CDC40: variants seen among roughly 807,000 people sequenced by gnomAD.
The protein encoded by CDC40 is pre-mRNA-processing factor 17.
A neutral mutation model predicts 80.6 loss-of-function variants in CDC40; 27 were observed. The observed-to-expected ratio is 0.33, with a 90% confidence interval of 0.25 to 0.46. The LOEUF is 0.46. Ranked by LOEUF, CDC40 falls within the 20% of genes least tolerant of loss-of-function variation. The pLI, the probability that CDC40 is intolerant of heterozygous loss-of-function variation, is 1.00. For synonymous variants in CDC40, 221 were observed against 232.6 expected (o/e 0.95, Z 0.45); for missense variants, 486 against 694.1 (o/e 0.70, Z 3.37).
intron 6 of CDC40, 169 bp downstream of exon 6, chr6:110,210,972 T>C: frequency 3.3e-6 from 1 of 301,082 alleles, no homozygotes; most frequent in Non-Finnish European, 6.4e-6. Context: ...CAGACTTCTG[T>C]ATACTGATAA....
intron 13 of CDC40, among the ~76,000 whole-genome samples, chr6:110,226,550 C>G (rs1164669028): frequency 6.6e-6 from 1 of 151,088 alleles, no homozygotes; most frequent in African/African-American, 2.4e-5. Flanking sequence ...CCTCCTCTCC[C>G]CTCCTCTCCT....
chr6:110,209,043 ATC>A (rs764259696), intron 4 of CDC40, 39 bp from the exon 5 acceptor site: 3 of 1,184,186 alleles, frequency 2.5e-6, no homozygotes, highest in Non-Finnish European at 1.2e-6. Flanking sequence ...CATCTTTGTA[ATC>A]TCTCAGTTTT....
intron 12 of CDC40, among the ~76,000 whole-genome samples, chr6:110,220,754 C>T (rs1023481077): frequency 6.6e-6 from 1 of 152,126 alleles, no homozygotes; most frequent in Non-Finnish European, 1.5e-5. Context: ...CAGAAAGGCA[C>T]TTCTTACATG....
rs1359997313 is a variant in CDC40 at position 110,185,318 on chromosome 6, C to T, written c.189+4685C>T. ...AGTGCAGTGGCGGGATCTCGGCTCA[C>T]TGCAAGCTCCGCCTCCCGGGTTCAC... On this transcript the variant is annotated intron_variant, in intron 1 of 14. Coordinates refer to ENST00000307731, the MANE Select transcript of CDC40 (RefSeq NM_015891.3). Among the ~76,000 whole-genome samples, 8 of 146,668 alleles carry T rather than the reference C, an allele frequency of 5.5e-5. No individual in the cohort carries two copies. In the East Asian group the frequency reaches 1.6e-3, roughly 29 times the overall value.
rs1777940811 is a variant in CDC40 at position 110,231,719 on chromosome 6, T to C, written c.*1588T>C. The C allele has an allele frequency of 6.6e-6, 1 of 151,616 alleles. No individual in the cohort carries two copies. Among genetic ancestry groups the C allele is most frequent in the Non-Finnish European group, 1.5e-5 (1 of 67,882 alleles). 9.4% of individuals were successfully genotyped at this position (151,616 alleles called of 1,614,324 possible). ...CTGATAACCTAAGAGCATTAAGCTC[T>C]GAGTCCAGTGAGGTCATAGCAGTGT... is the stretch of plus-strand genomic sequence containing the variant. On this transcript the variant is annotated 3_prime_UTR_variant, in exon 15 of 15. Coordinates refer to ENST00000307731, the MANE Select transcript of CDC40 (RefSeq NM_015891.3).
chr6:110,220,360 G>A (rs1048186085), intron 12 of CDC40, among the ~76,000 whole-genome samples: 4 of 151,930 alleles, frequency 2.6e-5, no homozygotes, highest in African/African-American at 9.7e-5. Context: ...CCAAGACTGG[G>A]CAATTTACAA....
At chr6:110,229,930 A>C (rs1453885476) in intron 14 of CDC40, 24 bp from the exon 15 acceptor site, 3 of 1,511,204 alleles carry the variant, frequency 2.0e-6, no homozygotes, top group Non-Finnish European at 1.8e-6. Flanking sequence ...TAATAATTTG[A>C]ATTTATCTTT....
intron 12 of CDC40, among the ~76,000 whole-genome samples, chr6:110,223,734 C>A (rs1777809740): frequency 1.3e-5 from 2 of 152,170 alleles, no homozygotes; most frequent in South Asian, 2.1e-4. Flanking sequence ...TTAAATAATA[C>A]TACACAAACT....
chr6:110,232,064 A>G lies in CDC40; in HGVS notation c.*1933A>G, dbSNP rs1037050185. 1.3e-5 allele frequency: 2 copies of G among 150,758 alleles called. No homozygotes were observed. The highest frequency in any genetic ancestry group is 4.9e-5 in the African/African-American group (2 of 40,682). The allele number at this position is 150,758 out of a possible 1,614,324, so 9.3% of individuals were successfully genotyped here. A position where few individuals can be genotyped will look rare whatever the true frequency, so the allele number is the denominator to read the frequency against. On this transcript the variant is annotated 3_prime_UTR_variant, in exon 15 of 15. Transcript: ENST00000307731. Reference sequence around the variant, plus strand: ...GGGACAAAAAGAATCATACATTTAAACTGTCTTGTTCAGCATACCAATATT... The same window carrying G: ...GGGACAAAAAGAATCATACATTTAAGCTGTCTTGTTCAGCATACCAATATT...
chr6:110,207,699 T>G, intron 4 of CDC40, 110 bp downstream of exon 4: 2 of 657,062 alleles, frequency 3.0e-6, no homozygotes, highest in Non-Finnish European at 5.5e-6. Flanking sequence ...GCTTTTTTTT[T>G]TAAAGTTGAA....
intron 4 of CDC40, among the ~76,000 whole-genome samples, 187 bp downstream of exon 4, chr6:110,207,776 C>T (rs553983027): frequency 6.6e-5 from 10 of 151,954 alleles, no homozygotes; most frequent in African/African-American, 1.5e-4. Flanking sequence ...TTGCTTTTGC[C>T]GCTTACTAGT....
chr6:110,217,924 C>A, intron 10 of CDC40, 121 bp downstream of exon 10: 1 of 558,338 alleles, frequency 1.8e-6, no homozygotes, highest in Non-Finnish European at 3.2e-6. Context: ...ATACCATTCA[C>A]TGTCAGCAAA....
intron 1 of CDC40, among the ~76,000 whole-genome samples, chr6:110,185,115 G>C (rs534452991): frequency 3.3e-5 from 5 of 152,228 alleles, no homozygotes; most frequent in African/African-American, 1.2e-4. Flanking sequence ...CCGTGTGCTA[G>C]ACCAGGGATT....
At chr6:110,194,360 T>G (rs1451071611) in intron 2 of CDC40, among the ~76,000 whole-genome samples, 1 of 152,210 alleles carries the variant, frequency 6.6e-6, no homozygotes. Flanking sequence ...ATTTTTCATT[T>G]TGTAGCATAA....
chr6:110,193,086 A>G, intron 1 of CDC40, 96 bp from the exon 2 acceptor site: 4 of 712,640 alleles, frequency 5.6e-6, no homozygotes, highest in South Asian at 5.1e-5. Flanking sequence ...TAACCATAAA[A>G]TAGATGTTAA....
At chr6:110,192,931 G>C (rs1488574778) in intron 1 of CDC40, among the ~76,000 whole-genome samples, 2 of 152,110 alleles carry the variant, frequency 1.3e-5, no homozygotes, top group African/African-American at 2.4e-5. Context: ...TTAAGGCTTT[G>C]AGTAATGTTA....
At chr6:110,208,121 A>G (rs1777588913) in intron 4 of CDC40, among the ~76,000 whole-genome samples, 1 of 152,216 alleles carries the variant, frequency 6.6e-6, no homozygotes. Flanking sequence ...TCATCAGTCC[A>G]TTAGAATATT....
intron 3 of CDC40, among the ~76,000 whole-genome samples, chr6:110,203,057 A>G (rs1190039638): frequency 6.6e-6 from 1 of 152,208 alleles, no homozygotes; most frequent in Non-Finnish European, 1.5e-5. Flanking sequence ...GATAAGGTCG[A>G]TCTTATTTAT....
Position 110,222,918 on chromosome 6 carries a change from G to C in CDC40, c.1340+3049G>C, listed in dbSNP as rs548571247. Among the ~76,000 whole-genome samples, 19 of 152,300 alleles carry C rather than the reference G, an allele frequency of 1.2e-4. No individual in the cohort carries two copies. In the East Asian group the frequency reaches 3.7e-3, roughly 29 times the overall value. ...CCAGTCACTATCCTAAGCATTTCAC[G>C]TGAACTATCTGATTTAGTGTGCAAA... On this transcript the variant is annotated intron_variant, in intron 12 of 14. Transcript: ENST00000307731.
Sources: gnomAD v4.1 joint callset for allele counts (sites outside exome capture counted in the v4.1 genomes callset) on GRCh38, gnomAD v4.1.1 for gene constraint, MANE v1.5 for transcripts, NCBI Gene and HGNC (gene_info 2026-07-23, HGNC 2026-07-21) for gene names.